The following TTC28 variants were observed in gnomAD, a reference collection of about 807,000 sequenced individuals.
TTC28 encodes tetratricopeptide repeat domain 28, also known as tetratricopeptide repeat protein 28.
In TTC28, 61 loss-of-function variants were observed where a neutral mutation model predicts 198.0. The ratio of observed to expected loss-of-function variants is 0.31; its 90% CI spans 0.25 to 0.38. The LOEUF (loss-of-function observed/expected upper bound fraction) is 0.38. Ranked by LOEUF, TTC28 falls within the 10% of genes least tolerant of loss-of-function variation. The pLI, the probability that TTC28 is intolerant of heterozygous loss-of-function variation, is 1.00. For missense variants in TTC28, 2,678 were observed against 3,164.0 expected (o/e 0.85, Z 3.69); for synonymous variants, 1,171 against 1,297.8 (o/e 0.90, Z 2.10).
chr22:28,469,063 C>G (rs138383491), intron 2 of TTC28, among the ~76,000 whole-genome samples: 2 of 152,320 alleles, frequency 1.3e-5, no homozygotes, highest in African/African-American at 4.8e-5. Context: ...ACTGCACCTC[C>G]TCAACGACTG....
chr22:27,982,199 G>A lies in TTC28; in HGVS notation c.*22C>T, dbSNP rs1006344537. 1 of 1,459,494 alleles carries A rather than the reference G, an allele frequency of 6.9e-7. No individual in the cohort carries two copies. Among genetic ancestry groups the A allele is most frequent in the South Asian group, 1.5e-5 (1 of 68,114 alleles). 90.4% of individuals were successfully genotyped at this position (1,459,494 alleles called of 1,614,324 possible). The stretch of plus-strand genomic sequence containing the variant: ...GGCCCCCATCTGCAGGCTGCTCAGA[G>A]TCAGTGGGTATAAAAGATGCTTTAG... On this transcript the variant is annotated 3_prime_UTR_variant, in exon 23 of 23. Coordinates refer to ENST00000397906, the MANE Select transcript of TTC28 (RefSeq NM_001145418.2). The surrounding 1 kb of genome is among the most constrained non-coding windows in gnomAD (Gnocchi z 5.2).
intron 1 of TTC28, among the ~76,000 whole-genome samples, chr22:28,636,174 G>A (rs2051268421): frequency 7.8e-6 from 1 of 128,446 alleles, no homozygotes; most frequent in Non-Finnish European, 1.6e-5. Flanking sequence ...TGCCCAGGCT[G>A]GAGGGCAGTG....
intron 12 of TTC28, among the ~76,000 whole-genome samples, chr22:28,057,455 AAAT>A (rs1259613527): frequency 6.6e-6 from 1 of 152,124 alleles, no homozygotes; most frequent in East Asian, 1.9e-4. Context: ...GTGTTTGTTT[AAAT>A]CTTTCCACGT....
intron 1 of TTC28, among the ~76,000 whole-genome samples, chr22:28,649,013 C>T (rs189242449): frequency 1.2e-4 from 18 of 151,996 alleles, no homozygotes; most frequent in African/African-American, 4.1e-4. Context: ...TACTACTCAA[C>T]CATAAAAAAG....
intron 1 of TTC28, among the ~76,000 whole-genome samples, chr22:28,652,567 G>T (rs2146264436): frequency 6.6e-6 from 1 of 152,272 alleles, no homozygotes; most frequent in South Asian, 2.1e-4. Flanking sequence ...AATGTCTATG[G>T]AAACATTTTG....
intron 2 of TTC28, among the ~76,000 whole-genome samples, chr22:28,311,262 T>C (rs1355146147): frequency 1.3e-5 from 2 of 152,178 alleles, no homozygotes; most frequent in African/African-American, 4.8e-5. Flanking sequence ...AAATTTTCCC[T>C]TTATTTTAAA....
At chr22:28,591,038 C>T (rs998977952) in intron 2 of TTC28, among the ~76,000 whole-genome samples, 1,085 of 23,838 alleles carry the variant, frequency 0.046, 10 homozygotes, top group Non-Finnish European at 0.051. Context: ...CACACACACA[C>T]ACATATATAT....
intron 14 of TTC28, among the ~76,000 whole-genome samples, chr22:28,013,912 G>A (rs1239125408): frequency 6.6e-6 from 1 of 152,198 alleles, no homozygotes; most frequent in Non-Finnish European, 1.5e-5. Context: ...CCATCACTCT[G>A]TTGGGCAGGC....
At chr22:28,341,431 C>G (rs114108246) in intron 2 of TTC28, among the ~76,000 whole-genome samples, 4 of 152,242 alleles carry the variant, frequency 2.6e-5, no homozygotes, top group African/African-American at 9.6e-5. Flanking sequence ...GTGGGAGAAT[C>G]ACTTGAGGTC....
At chr22:28,637,122 C>A (rs963016550) in intron 1 of TTC28, among the ~76,000 whole-genome samples, 8 of 151,606 alleles carry the variant, frequency 5.3e-5, no homozygotes, top group Admixed American at 3.3e-4. Flanking sequence ...CATTCTCCTG[C>A]CTCAGCCTCC....
chr22:28,452,389 C>CAAAAAAA (rs71194768), intron 2 of TTC28, among the ~76,000 whole-genome samples: 11 of 43,236 alleles, frequency 2.5e-4, no homozygotes, highest in African/African-American at 4.7e-4. Context: ...GATTCCATCT[C>CAAAAAAA]AAAAAAAAAA....
intron 5 of TTC28, among the ~76,000 whole-genome samples, chr22:28,235,655 G>A (rs1443214650): frequency 3.3e-5 from 5 of 152,174 alleles, no homozygotes; most frequent in Non-Finnish European, 5.9e-5. Context: ...AGGAAATTTA[G>A]AATATGGTAA....
At chr22:28,498,032 C>T (rs942310884) in intron 2 of TTC28, among the ~76,000 whole-genome samples, 1 of 151,082 alleles carries the variant, frequency 6.6e-6, no homozygotes, top group Non-Finnish European at 1.5e-5. Context: ...TATAAAGACA[C>T]AAATTTCCAA....
At chr22:28,433,589 G>C (rs1039684935) in intron 2 of TTC28, among the ~76,000 whole-genome samples, 1 of 152,140 alleles carries the variant, frequency 6.6e-6, no homozygotes, top group South Asian at 2.1e-4. Flanking sequence ...AATAATATTT[G>C]TGTCACTAAA....
In TTC28 at chr22:27,983,448, G is replaced by C; in HGVS notation, c.6219C>G (p.Asn2073Lys). Residue 2073 changes from asparagine (N) to lysine (K), a missense_variant, in exon 23 of 23, where the codon AAC becomes AAG. Physicochemically the swap from Asn to Lys is moderately conservative, Grantham distance 94 (BLOSUM62 0). Transcript: ENST00000397906. ...SNEPLATYQE[N>K]RNTCFSPDHK... is the part of the protein sequence containing the mutation. ...GGTCTGGTGAGAAGCATGTGTTTCG[G>C]TTTTCTTGGTAGGTCGCCAAGGGCT... 6.5e-7 allele frequency: 1 copy of C among 1,546,642 alleles called. No individual in the cohort carries two copies. Among genetic ancestry groups the C allele is most frequent in the Non-Finnish European group, 8.7e-7 (1 of 1,145,884 alleles).
chr22:28,578,020 T>C (rs1471883648), intron 2 of TTC28, among the ~76,000 whole-genome samples: 1 of 152,138 alleles, frequency 6.6e-6, no homozygotes, highest in Non-Finnish European at 1.5e-5. Flanking sequence ...TTTCTGGTTG[T>C]TTTGTGGTCT....
intron 5 of TTC28, among the ~76,000 whole-genome samples, chr22:28,219,932 T>G (rs1927723976): frequency 6.6e-6 from 1 of 152,180 alleles, no homozygotes; most frequent in Non-Finnish European, 1.5e-5. Flanking sequence ...CTCAAGAAAA[T>G]CTTTAAGAGT....
At chr22:28,379,609 G>A (rs2046465385) in intron 2 of TTC28, among the ~76,000 whole-genome samples, 1 of 152,146 alleles carries the variant, frequency 6.6e-6, no homozygotes, top group African/African-American at 2.4e-5. Context: ...AATGGTAGTT[G>A]CCAGAAGTTG....
At position 27,993,272 on chromosome 22, in the gene TTC28, A is replaced by G. The variant is rs771964863; in HGVS notation, c.5476+15T>C. 7.9e-6 allele frequency: 12 copies of G among 1,510,876 alleles called. No individual in the cohort carries two copies. The South Asian group carries it at 9.0e-5, about 11-fold the overall frequency. The allele number at this position is 1,510,876 out of a possible 1,614,324, so 93.6% of individuals were successfully genotyped here. A position where few individuals can be genotyped will look rare whatever the true frequency, so the allele number is the denominator to read the frequency against. On this transcript the variant is annotated intron_variant, in intron 18 of 22. Transcript: ENST00000397906. ...CAGCCAGGCCTGTTGCCCCAGCCCTACACCCACAGCTCACCCAGCAGGGAC... is the reference window on the plus strand; with the variant it reads ...CAGCCAGGCCTGTTGCCCCAGCCCTGCACCCACAGCTCACCCAGCAGGGAC...
Sources: allele counts gnomAD v4.1 joint callset (sites outside exome capture counted in the v4.1 genomes callset), GRCh38; gene constraint gnomAD v4.1.1; non-coding constraint Gnocchi (gnomAD v3.1); transcripts MANE v1.5; gene names NCBI Gene and HGNC (gene_info 2026-07-23, HGNC 2026-07-21).